The following HMCN2 variants were observed in gnomAD, a reference collection of about 807,000 sequenced individuals.
HMCN2 encodes the protein hemicentin 2.
A neutral mutation model predicts 377.5 loss-of-function variants in HMCN2; 325 were observed. The ratio of observed to expected loss-of-function variants is 0.86; its 90% CI spans 0.79 to 0.94. HMCN2 has a LOEUF of 0.94. Among genes scored for constraint, HMCN2 ranks in the 40% least tolerant of loss-of-function variants. The pLI, the probability that HMCN2 is intolerant of heterozygous loss-of-function variation, is 0.00. For synonymous variants in HMCN2, 2,007 were observed against 2,046.8 expected, an observed-to-expected ratio of 0.98 and a Z score of 0.53; for missense variants, 4,543 against 4,725.3, an observed-to-expected ratio of 0.96 and a Z score of 1.13.
intron 77 of HMCN2, among the ~76,000 whole-genome samples, chr9:130,402,154 A>G (rs1306572225): frequency 3.3e-5 from 5 of 152,244 alleles, no homozygotes. Flanking sequence ...AGTGAAACAA[A>G]CCACAGTTCT....
At position 130,414,373 on chromosome 9, in the gene HMCN2, A is replaced by G. The variant is rs1244960226; in HGVS notation, c.12961+3721A>G. 6.6e-6 allele frequency among the ~76,000 whole-genome samples: 1 copy of G among 152,182 alleles called. No homozygotes were observed. Among genetic ancestry groups the G allele is most frequent in the Admixed American group, 6.5e-5 (1 of 15,280 alleles). On this transcript the variant is annotated intron_variant, in intron 85 of 97. Coordinates refer to ENST00000683500, the MANE Select transcript of HMCN2 (RefSeq NM_001291815.2). The surrounding 1 kb of genome is among the most constrained non-coding windows in gnomAD (Gnocchi z 4.4). ...GCTGACCATGGAAGCCTCATAGGGA[A>G]CCTGGGCTTCCACGCTGACCTGGCG...
intron 8 of HMCN2, among the ~76,000 whole-genome samples, chr9:130,302,250 G>A (rs1430620613): frequency 6.6e-6 from 1 of 152,142 alleles, no homozygotes; most frequent in African/African-American, 2.4e-5. Context: ...GTTTCACCAT[G>A]TTGGCCAGGC....
chr9:130,400,717 C>T, intron 76 of HMCN2, 66 bp from the exon 77 acceptor site: 1 of 1,183,886 alleles, frequency 8.4e-7, no homozygotes. Flanking sequence ...GCTTTACCCC[C>T]TGGCCCTGTG....
At chr9:130,322,310 TATCTATCTA>T (rs1408730674) in intron 19 of HMCN2, among the ~76,000 whole-genome samples, 7 of 142,166 alleles carry the variant, frequency 4.9e-5, no homozygotes, top group Non-Finnish European at 7.6e-5. Context: ...ATCTATCATC[TATCTATCTA>T]ATCTATCTAT....
At position 130,362,454 on chromosome 9, in the gene HMCN2, C is replaced by T. The variant is rs536287497; in HGVS notation, c.6108+289C>T. Among the ~76,000 whole-genome samples, 101 of 152,334 alleles carry T rather than the reference C, an allele frequency of 6.6e-4. 2 individuals carry two copies. The highest frequency in any genetic ancestry group is 3.4e-3 in the Middle Eastern group (1 of 294). Reference sequence around the variant, plus strand: ...ATGTTAATAATACACGTTAGTTAATCCAATATATCCAAAATAGCTTCATTT... The same window carrying T: ...ATGTTAATAATACACGTTAGTTAATTCAATATATCCAAAATAGCTTCATTT... On this transcript the variant is annotated intron_variant, in intron 39 of 97. Transcript: ENST00000683500.
At chr9:130,401,715 C>T (rs937724182) in intron 77 of HMCN2, among the ~76,000 whole-genome samples, 1 of 152,076 alleles carries the variant, frequency 6.6e-6, no homozygotes, top group Non-Finnish European at 1.5e-5. Flanking sequence ...AGTTCGTTAG[C>T]GAAACACTAA....
At position 130,302,888 on chromosome 9, in the gene HMCN2, C is replaced by T. The variant is rs1048319655; in HGVS notation, c.1308C>T (p.Ile436=). The T allele has an allele frequency of 1.3e-5, 6 of 470,050 alleles. No homozygotes were observed. The highest frequency in any genetic ancestry group is 2.2e-5 in the Non-Finnish European group (5 of 226,406). The allele number at this position is 470,050 out of a possible 1,614,324, so 29.1% of individuals were successfully genotyped here. ...CCCTCGTCAGCATGGCCCCCAGGATCCATGGCTACCTGCACCAGCCCCTGC... is the reference window on the plus strand; with the variant it reads ...CCCTCGTCAGCATGGCCCCCAGGATTCATGGCTACCTGCACCAGCCCCTGC... ...GAPLVSMAPR[I]HGYLHQPLLV... The change falls in exon 9 of 98, where the codon ATC becomes ATT. Residue 436 remains isoleucine, a synonymous_variant. Transcript: ENST00000683500.
At chr9:130,302,271 C>T (rs782106564) in intron 8 of HMCN2, among the ~76,000 whole-genome samples, 1 of 152,182 alleles carries the variant, frequency 6.6e-6, no homozygotes, top group Non-Finnish European at 1.5e-5. Context: ...TGGTCTTGAA[C>T]TCCTGACCTC....
chr9:130,278,827 C>A (rs1167745160), intron 1 of HMCN2, among the ~76,000 whole-genome samples: 1 of 151,662 alleles, frequency 6.6e-6, no homozygotes, highest in African/African-American at 2.4e-5. Context: ...GTGATCCACC[C>A]GCCTCGGCTT....
intron 15 of HMCN2, among the ~76,000 whole-genome samples, chr9:130,317,349 G>A (rs1001998115): frequency 7.9e-5 from 12 of 151,976 alleles, no homozygotes; most frequent in Admixed American, 3.9e-4. Flanking sequence ...ATAAGTGCTC[G>A]TCTTCATGCC....
intron 2 of HMCN2, 123 bp downstream of exon 2, chr9:130,284,796 A>T (rs1217028068): frequency 7.0e-6 from 3 of 431,606 alleles, no homozygotes; most frequent in African/African-American, 6.0e-5. Flanking sequence ...TCCTGGGTGA[A>T]TGTGTGGCTT....
chr9:130,357,098 A>G (rs1188610458), intron 34 of HMCN2, among the ~76,000 whole-genome samples: 3 of 144,178 alleles, frequency 2.1e-5, no homozygotes, highest in Non-Finnish European at 4.6e-5. Flanking sequence ...GGATGGATGG[A>G]AAGGTGGATG....
In HMCN2 at chr9:130,304,622, G is replaced by A. The variant is rs538836435; in HGVS notation, c.1544-108G>A. 5 of 373,486 alleles carry A rather than the reference G, an allele frequency of 1.3e-5. No individual in the cohort carries two copies. Among genetic ancestry groups the A allele is most frequent in the East Asian group, 7.4e-5 (1 of 13,486 alleles). 23.1% of individuals were successfully genotyped at this position (373,486 alleles called of 1,614,324 possible). ...TGACATGTCCTGAATGATCTGGTTC[G>A]GGTGGGCCTGCACCTCAGGGTGGGG... On this transcript the variant is annotated intron_variant, in intron 10 of 97. Transcript: ENST00000683500. The surrounding 1 kb of genome is among the most constrained non-coding windows in gnomAD (Gnocchi z 4.3).
chr9:130,395,387 C>T (rs905122228), intron 71 of HMCN2, 40 bp downstream of exon 71: 1 of 1,259,708 alleles, frequency 7.9e-7, no homozygotes, highest in African/African-American at 1.5e-5. Flanking sequence ...GCCTTCTGTC[C>T]CGCTCAGGCC....
At chr9:130,285,357 G>T (rs782587425) in intron 3 of HMCN2, 41 bp downstream of exon 3, 2 of 467,344 alleles carry the variant, frequency 4.3e-6, no homozygotes, top group Non-Finnish European at 8.9e-6. Flanking sequence ...GGGGTCCCCC[G>T]GGGGTCCCGA....
intron 8 of HMCN2, among the ~76,000 whole-genome samples, chr9:130,300,023 G>C (rs1432881248): frequency 3.5e-5 from 5 of 142,768 alleles, no homozygotes; most frequent in Non-Finnish European, 7.6e-5. Flanking sequence ...ACCCATTCAT[G>C]CATCCATCCA....
rs951969739 is a variant in HMCN2, at chr9:130,394,340, G to A, written c.10502-45G>A. 9.8e-6 allele frequency: 12 copies of A among 1,219,482 alleles called. No homozygotes were observed. Among genetic ancestry groups the A allele is most frequent in the East Asian group, 1.1e-4 (2 of 17,616 alleles). The allele number at this position is 1,219,482 out of a possible 1,614,324, so 75.5% of individuals were successfully genotyped here. ...GTGTTTTCAAGTGCGGTGCTGTCCC[G>A]GAAATGTGTGTCAATTGTGTGTTCC... On this transcript the variant is annotated intron_variant, in intron 68 of 97. Transcript: ENST00000683500. This position sits in a 1 kb window ranked among gnomAD's most constrained non-coding sequence, Gnocchi z 5.1.
intron 66 of HMCN2, among the ~76,000 whole-genome samples, chr9:130,392,899 G>A (rs1842405998): frequency 6.6e-6 from 1 of 152,068 alleles, no homozygotes; most frequent in South Asian, 2.1e-4. Flanking sequence ...GGGAGGCTGA[G>A]GCAGGAGAAT....
chr9:130,430,957 G>A (rs578036218), intron 95 of HMCN2: 1 of 310,522 alleles, frequency 3.2e-6, no homozygotes, highest in Admixed American at 4.8e-5. Context: ...TTTCAGGGGT[G>A]AAGGAGAATG....
Sources: allele counts gnomAD v4.1 joint callset (sites outside exome capture counted in the v4.1 genomes callset), GRCh38; gene constraint gnomAD v4.1.1; non-coding constraint Gnocchi (gnomAD v3.1); transcripts MANE v1.5; gene names NCBI Gene and HGNC (gene_info 2026-07-23, HGNC 2026-07-21).